The following A2M variants were observed in gnomAD, a reference collection of about 807,000 sequenced individuals.
A2M encodes the protein C3 and PZP-like alpha-2-macroglobulin domain-containing protein 5.
A neutral mutation model predicts 183.9 loss-of-function variants in A2M; 128 were observed. The ratio of observed to expected loss-of-function variants is 0.70; its 90% CI spans 0.60 to 0.81. A2M has a LOEUF of 0.81. Ranked by LOEUF, A2M falls within the 30% of genes least tolerant of loss-of-function variation. A2M has a pLI of 0.00. For missense variants in A2M, 1,495 were observed against 1,787.6 expected (o/e 0.84, Z 2.95); for synonymous variants, 592 against 670.8 (o/e 0.88, Z 1.81).
chr12:9,098,876 G>T, intron 14 of A2M, 120 bp from the exon 15 acceptor site: 1 of 1,118,504 alleles, frequency 8.9e-7, no homozygotes, highest in Non-Finnish European at 1.3e-6. Flanking sequence ...CTTCGTGGAG[G>T]GTTGGCATTG....
chr12:9,099,370 A>T lies in A2M; in HGVS notation c.1701+11T>A. On this transcript the variant is annotated intron_variant, in intron 14 of 35. Coordinates refer to ENST00000318602, the MANE Select transcript of A2M (RefSeq NM_000014.6). The stretch of plus-strand genomic sequence containing the variant: ...TTACATGTTGAAGATTTTATGATCT[A>T]AAACACACACCTTGTTGGCCAGACA... The T allele has an allele frequency of 6.4e-7, 1 of 1,552,358 alleles. No homozygotes were observed. Among genetic ancestry groups the T allele is most frequent in the Non-Finnish European group, 8.7e-7 (1 of 1,146,856 alleles).
chr12:9,079,866 T>C (rs987989824), intron 23 of A2M, 51 bp from the exon 24 acceptor site: 20 of 1,445,744 alleles, frequency 1.4e-5, no homozygotes, highest in Non-Finnish European at 1.7e-5. Context: ...TTATCATCTA[T>C]CAAAGTCATT....
chr12:9,085,711 A>G (rs1194703231), intron 22 of A2M, among the ~76,000 whole-genome samples: 1 of 152,064 alleles, frequency 6.6e-6, no homozygotes, highest in African/African-American at 2.4e-5. Flanking sequence ...AGATCAATGA[A>G]ACTGAATTGT....
intron 13 of A2M, 132 bp from the exon 14 acceptor site, chr12:9,099,655 A>T (rs969988383): frequency 1.8e-6 from 2 of 1,112,522 alleles, no homozygotes; most frequent in Non-Finnish European, 2.5e-6. Context: ...CTTTAGAAAA[A>T]AACCCTATCA....
intron 15 of A2M, among the ~76,000 whole-genome samples, chr12:9,097,805 G>A (rs999017198): frequency 2.0e-5 from 3 of 151,956 alleles, no homozygotes; most frequent in African/African-American, 7.2e-5. Context: ...ACTAATTTTT[G>A]TATTTTTAGT....
Position 9,072,692 on chromosome 12 carries a change from G to A in A2M, c.3936C>T (p.Tyr1312=). The stretch of plus-strand genomic sequence containing the variant: ...ATCCTTCTCCTGTCACTTTCATGCT[G>A]TATTCCCCAGGCAGCTCTGGCAATG... ...QVSLPELPGE[Y]SMKVTGEGCV... Residue 1312 remains tyrosine, a synonymous_variant, in exon 30 of 36, where the codon TAC becomes TAT. Transcript: ENST00000318602. 2 of 1,614,144 alleles carry A rather than the reference G, an allele frequency of 1.2e-6. No homozygotes were observed. The highest frequency in any genetic ancestry group is 1.7e-6 in the Non-Finnish European group (2 of 1,180,032).
At chr12:9,076,663 C>G in intron 28 of A2M, 93 bp downstream of exon 28, 4 of 1,137,730 alleles carry the variant, frequency 3.5e-6, no homozygotes, top group African/African-American at 1.5e-5. Context: ...AGAGAGGAGA[C>G]AGGGATCACA....
intron 25 of A2M, among the ~76,000 whole-genome samples, chr12:9,078,724 C>T (rs1948820771): frequency 6.6e-6 from 1 of 152,160 alleles, no homozygotes; most frequent in South Asian, 2.1e-4. Flanking sequence ...TTAGAGATTT[C>T]CTTCTGCAGA....
rs778584085 is a variant in A2M, at chr12:9,072,239, A to G, written c.4103+120T>C. 1.7e-4 allele frequency: 202 copies of G among 1,163,558 alleles called. No individual in the cohort carries two copies. The African/African-American group carries it at 3.0e-3, about 18-fold the overall frequency. 72.1% of individuals were successfully genotyped at this position (1,163,558 alleles called of 1,614,324 possible). On this transcript the variant is annotated intron_variant, in intron 31 of 35. Coordinates refer to ENST00000318602, the MANE Select transcript of A2M (RefSeq NM_000014.6). ...AAATTATATCAACTTAAGAGAATAC[A>G]TTGCATTTTTTGTGAATAGTGCAAA...
At chr12:9,102,442 C>T (rs1937946532) in intron 11 of A2M, among the ~76,000 whole-genome samples, 1 of 152,150 alleles carries the variant, frequency 6.6e-6, no homozygotes, top group African/African-American at 2.4e-5. Flanking sequence ...TCTCGATCTC[C>T]TGGCCTCACG....
intron 2 of A2M, 44 bp downstream of exon 2, chr12:9,113,316 T>C: frequency 1.9e-6 from 3 of 1,600,162 alleles, no homozygotes; most frequent in South Asian, 1.1e-5. Flanking sequence ...CCTATGACCC[T>C]GACTAAAAGA....
At chr12:9,096,392 T>A (rs1310454521) in intron 15 of A2M, among the ~76,000 whole-genome samples, 1 of 152,200 alleles carries the variant, frequency 6.6e-6, no homozygotes, top group Non-Finnish European at 1.5e-5. Context: ...GAAATGATAG[T>A]TTTGTGCTTA....
chr12:9,067,803 A>G lies in A2M; in HGVS notation c.*20T>C, dbSNP rs1416410574. 3 of 1,612,476 alleles carry G rather than the reference A, an allele frequency of 1.9e-6. No homozygotes were observed. The highest frequency in any genetic ancestry group is 3.3e-4 in the Middle Eastern group (2 of 6,056). On this transcript the variant is annotated 3_prime_UTR_variant, in exon 36 of 36. Transcript: ENST00000318602. ...TCTGAGAACAGGACTCCAGCAAAGC[A>G]CTTTTCAGCCTTGTGGTCTTCAAGC...
intron 28 of A2M, among the ~76,000 whole-genome samples, chr12:9,075,560 G>A (rs1592334623): frequency 1.3e-5 from 2 of 152,180 alleles, no homozygotes. Context: ...CTTGTATAGG[G>A]GTCTTCATCA....
chr12:9,086,948 A>C (rs1289626344), intron 22 of A2M, among the ~76,000 whole-genome samples: 2 of 152,252 alleles, frequency 1.3e-5, no homozygotes. Context: ...GTTGCAAGAT[A>C]CAAAATTAAC....
intron 6 of A2M, 67 bp downstream of exon 6, chr12:9,109,799 TA>T: frequency 1.4e-6 from 2 of 1,459,620 alleles, no homozygotes; most frequent in Non-Finnish European, 1.8e-6. Context: ...CAAATGAACT[TA>T]AATTCCAGGA....
rs778475104 is a variant in A2M, at chr12:9,115,761, C to CA, written c.86+2dup. 16 of 1,610,626 alleles carry CA rather than the reference C, an allele frequency of 9.9e-6. No individual in the cohort carries two copies. Among genetic ancestry groups the CA allele is most frequent in the Non-Finnish European group, 1.4e-5 (16 of 1,176,924 alleles). On this transcript the variant is annotated splice_region_variant and intron_variant, in intron 1 of 35. Coordinates refer to ENST00000318602, the MANE Select transcript of A2M (RefSeq NM_000014.6). ...TGCTTCACGCTCTCTGTGTGGAACT[C>CA]ACGGTTTTCCAGAGACTGAGGCGTC...
chr12:9,078,376 C>A (rs1948810106), intron 25 of A2M, among the ~76,000 whole-genome samples: 1 of 152,160 alleles, frequency 6.6e-6, no homozygotes, highest in Non-Finnish European at 1.5e-5. Flanking sequence ...GATTTCATTT[C>A]TTTTTATTGC....
intron 23 of A2M, 38 bp downstream of exon 23, chr12:9,080,056 C>G: frequency 7.7e-7 from 1 of 1,301,188 alleles, no homozygotes; most frequent in Non-Finnish European, 1.1e-6. Flanking sequence ...ATAATAGAAG[C>G]TGTTAATGCC....
Sources: allele counts gnomAD v4.1 joint callset (sites outside exome capture counted in the v4.1 genomes callset), GRCh38; gene constraint gnomAD v4.1.1; transcripts MANE v1.5; gene names NCBI Gene and HGNC (gene_info 2026-07-23, HGNC 2026-07-21).